HNF1B: variants seen among roughly 807,000 people sequenced by gnomAD.
HNF1B encodes HNF1 homeobox B.
Under a neutral mutation model 61.7 loss-of-function variants are expected in HNF1B, and 8 were observed. The observed-to-expected ratio is 0.13, with a 90% CI of 0.08 to 0.23. The LOEUF (loss-of-function observed/expected upper bound fraction) is 0.23. Among genes scored for constraint, HNF1B ranks in the 10% least tolerant of loss-of-function variants. The pLI is 1.00. For synonymous variants in HNF1B, 314 were observed against 287.7 expected (o/e 1.09, Z -0.93); for missense variants, 562 against 714.5 (o/e 0.79, Z 2.43).
At chr17:37,695,131 T>C (rs2032341187) in intron 8 of HNF1B, among the ~76,000 whole-genome samples, 1 of 152,094 alleles carries the variant, frequency 6.6e-6, no homozygotes, top group Admixed American at 6.5e-5. Flanking sequence ...AAAATATGGT[T>C]TTGGGGGCCA....
chr17:37,706,450 C>T (rs1312359162), intron 5 of HNF1B, among the ~76,000 whole-genome samples: 1 of 152,118 alleles, frequency 6.6e-6, no homozygotes, highest in East Asian at 1.9e-4. Context: ...CTCCCACCAG[C>T]ACCCAGGTAA....
chr17:37,713,822 T>C (rs2033016593), intron 4 of HNF1B, among the ~76,000 whole-genome samples: 1 of 152,204 alleles, frequency 6.6e-6, no homozygotes, highest in African/African-American at 2.4e-5. Context: ...TCACCAAGCA[T>C]GTGGCAATCA....
intron 8 of HNF1B, among the ~76,000 whole-genome samples, chr17:37,688,421 A>ACACACACACT (rs1491325033): frequency 2.7e-5 from 4 of 150,018 alleles, no homozygotes; most frequent in Non-Finnish European, 5.9e-5. Flanking sequence ...ACACACACAC[A>ACACACACACT]CTTACACCTA....
At chr17:37,734,822 C>A (rs1392913676) in intron 2 of HNF1B, among the ~76,000 whole-genome samples, 1 of 145,914 alleles carries the variant, frequency 6.9e-6, no homozygotes, top group Non-Finnish European at 1.5e-5. Flanking sequence ...GAGTTTGCCT[C>A]TTGTTGCCCA....
At chr17:37,738,572 G>A (rs1468035392) in intron 2 of HNF1B, among the ~76,000 whole-genome samples, 1 of 152,328 alleles carries the variant, frequency 6.6e-6, no homozygotes, top group East Asian at 1.9e-4. Context: ...AAAAGGATTG[G>A]ATCAAAGTAA....
intron 8 of HNF1B, among the ~76,000 whole-genome samples, chr17:37,696,923 C>A (rs986673461): frequency 1.3e-5 from 2 of 152,214 alleles, no homozygotes; most frequent in African/African-American, 4.8e-5. Flanking sequence ...TCCCATTCCT[C>A]CTTCTCTTTC....
At chr17:37,722,871 G>A (rs1014608034) in intron 4 of HNF1B, among the ~76,000 whole-genome samples, 7 of 152,060 alleles carry the variant, frequency 4.6e-5, no homozygotes, top group African/African-American at 1.7e-4. Context: ...TCACCGTGGG[G>A]CTGTGTGCAC....
intron 4 of HNF1B, among the ~76,000 whole-genome samples, chr17:37,719,196 C>G (rs1035043029): frequency 6.6e-6 from 1 of 152,032 alleles, no homozygotes; most frequent in African/African-American, 2.4e-5. Context: ...AACTCCTGGG[C>G]TCAAGTAGTC....
intron 7 of HNF1B, among the ~76,000 whole-genome samples, chr17:37,700,216 C>G (rs1241782396): frequency 6.9e-6 from 1 of 144,836 alleles, no homozygotes; most frequent in Non-Finnish European, 1.6e-5. Context: ...GCCACGATTC[C>G]TCCCCAAACT....
chr17:37,735,283 C>T (rs936053707), intron 2 of HNF1B, among the ~76,000 whole-genome samples: 2 of 152,208 alleles, frequency 1.3e-5, no homozygotes, highest in African/African-American at 4.8e-5. Flanking sequence ...CCCTCTACAA[C>T]CCCACACCAA....
chr17:37,728,395 C>T (rs1469496859), intron 4 of HNF1B, among the ~76,000 whole-genome samples: 1 of 151,700 alleles, frequency 6.6e-6, no homozygotes, highest in Non-Finnish European at 1.5e-5. Flanking sequence ...CAAGCTCCGC[C>T]TCCTGGGTTC....
chr17:37,704,901 CAAG>C lies in HNF1B; in HGVS notation c.1339+13_1339+15del, dbSNP rs761237288. 6 of 1,613,988 alleles carry C rather than the reference CAAG, an allele frequency of 3.7e-6. No homozygotes were observed. In the South Asian group the frequency reaches 5.5e-5, roughly 15 times the overall value. ...TCTCCCTGCCCCCAAGTTTTCCAAC[CAAG>C]AATAGAACTTACTTTGTGCAATTGC... is the stretch of plus-strand genomic sequence containing the variant. On this transcript the variant is annotated intron_variant, in intron 6 of 8. Coordinates refer to ENST00000617811, the MANE Select transcript of HNF1B (RefSeq NM_000458.4).
At chr17:37,738,466 G>C (rs754052421) in intron 2 of HNF1B, among the ~76,000 whole-genome samples, 6 of 152,238 alleles carry the variant, frequency 3.9e-5, no homozygotes, top group African/African-American at 9.7e-5. Context: ...AACCCAGATA[G>C]TGGTGGAAAT....
At chr17:37,727,714 T>C (rs897460901) in intron 4 of HNF1B, among the ~76,000 whole-genome samples, 3 of 152,096 alleles carry the variant, frequency 2.0e-5, no homozygotes, top group Admixed American at 2.0e-4. Flanking sequence ...GGTCACACCG[T>C]GGTCATCGTG....
At chr17:37,718,885 T>C (rs1254829437) in intron 4 of HNF1B, among the ~76,000 whole-genome samples, 1 of 152,168 alleles carries the variant, frequency 6.6e-6, no homozygotes, top group Middle Eastern at 3.2e-3. Context: ...GACTGTTGAG[T>C]TGAGTGGTGG....
intron 1 of HNF1B, among the ~76,000 whole-genome samples, chr17:37,742,404 G>C (rs2034020770): frequency 6.6e-6 from 1 of 152,172 alleles, no homozygotes; most frequent in African/African-American, 2.4e-5. Flanking sequence ...ACTCCAAAAC[G>C]CGACTTTTCT....
chr17:37,688,076 A>G (rs989226643), intron 8 of HNF1B, among the ~76,000 whole-genome samples: 11 of 152,202 alleles, frequency 7.2e-5, no homozygotes, highest in African/African-American at 2.4e-4. Context: ...AGAAACTCAG[A>G]GGACCAGGGA....
rs1365098471 is a variant in HNF1B at position 37,744,602 on chromosome 17, G to A, written c.283C>T (p.Leu95=). 11 of 1,609,390 alleles carry A rather than the reference G, an allele frequency of 6.8e-6. No individual in the cohort carries two copies. Among genetic ancestry groups the A allele is most frequent in the Non-Finnish European group, 9.3e-6 (11 of 1,179,972 alleles). ...GCCTCCTCGGTGTTGAGCGCCTGCA[G>A]CTCCTTGAGGATGGGAGGTGTGTCA... ...DYDTPPILKE[L]QALNTEEAAE... The change falls in exon 1 of 9, where the codon CTG becomes TTG. Residue 95 remains leucine, a synonymous_variant. Coordinates refer to ENST00000617811, the MANE Select transcript of HNF1B (RefSeq NM_000458.4).
At chr17:37,744,413 G>T in intron 1 of HNF1B, 128 bp downstream of exon 1, 2 of 913,138 alleles carry the variant, frequency 2.2e-6, no homozygotes, top group Admixed American at 4.2e-5. Context: ...GAGAAGCAGA[G>T]CGCCCCCCGG....
Sources: gnomAD v4.1 joint callset for allele counts (sites outside exome capture counted in the v4.1 genomes callset) on GRCh38, gnomAD v4.1.1 for gene constraint, MANE v1.5 for transcripts, NCBI Gene and HGNC (gene_info 2026-07-23, HGNC 2026-07-21) for gene names.